COL23A1: variants seen among roughly 807,000 people sequenced by gnomAD.
COL23A1 encodes collagen alpha-1(XXIII) chain.
A neutral mutation model predicts 99.3 loss-of-function variants in COL23A1; 97 were observed. That is an observed-to-expected ratio of 0.98 (90% CI 0.83 to 1.16). The LOEUF is 1.16. Ranked by LOEUF, COL23A1 falls within the 50% of genes most tolerant of loss-of-function variation. The pLI is 0.00. For synonymous variants in COL23A1, 320 were observed against 308.2 expected (o/e 1.04, Z -0.40); for missense variants, 762 against 757.4 (o/e 1.01, Z -0.07).
intron 2 of COL23A1, among the ~76,000 whole-genome samples, chr5:178,557,205 C>G (rs575538559): frequency 1.8e-4 from 28 of 152,280 alleles, no homozygotes; most frequent in African/African-American, 6.5e-4. Context: ...GCCCTCTGGT[C>G]TGTGCGTCTC....
chr5:178,365,136 CGTGTGTGTGTGT>C lies in COL23A1; in HGVS notation c.362-58229_362-58218del, dbSNP rs55995523. Among the ~76,000 whole-genome samples, 47 of 147,908 alleles carry C rather than the reference CGTGTGTGTGTGT, an allele frequency of 3.2e-4. 2 individuals carry two copies. The highest frequency in any genetic ancestry group is 3.1e-3 in the South Asian group (14 of 4,550). On this transcript the variant is annotated intron_variant, in intron 2 of 28. Transcript: ENST00000390654. The surrounding 1 kb of genome is among the most constrained non-coding windows in gnomAD (Gnocchi z 5.2). ...GGGCTTTATGATGTTGCTGTGTGTG[CGTGTGTGTGTGT>C]GTGTGTGTGTGTGTGTGTGTGTGAT...
chr5:178,461,934 G>A lies in COL23A1; in HGVS notation c.361+98748C>T, dbSNP rs567561847. Reference sequence around the variant, plus strand: ...CAGAAGGAAATGTCAGGGAAGAGGCGGATGAGTTGTGGTACTTCAAGGAGC... The same window carrying A: ...CAGAAGGAAATGTCAGGGAAGAGGCAGATGAGTTGTGGTACTTCAAGGAGC... On this transcript the variant is annotated intron_variant, in intron 2 of 28. Coordinates refer to ENST00000390654, the MANE Select transcript of COL23A1 (RefSeq NM_173465.4). 2.0e-4 allele frequency among the ~76,000 whole-genome samples: 31 copies of A among 152,346 alleles called. No individual in the cohort carries two copies. In the Middle Eastern group the frequency reaches 0.01, roughly 50 times the overall value.
At chr5:178,495,674 G>A (rs1353140730) in intron 2 of COL23A1, among the ~76,000 whole-genome samples, 1 of 152,100 alleles carries the variant, frequency 6.6e-6, no homozygotes, top group African/African-American at 2.4e-5. Flanking sequence ...TGGGAAGGGG[G>A]AGGAAGGAGA....
rs1401134202 is a variant in COL23A1, at chr5:178,238,441, G to A, written c.*257C>T. 1.6e-5 allele frequency: 9 copies of A among 546,778 alleles called. No homozygotes were observed. Among genetic ancestry groups the A allele is most frequent in the Non-Finnish European group, 2.9e-5 (9 of 306,470 alleles). 33.9% of individuals were successfully genotyped at this position (546,778 alleles called of 1,614,324 possible). Reference sequence around the variant, plus strand: ...CTTTCTAGCCTTGCCCGAGCCAGGTGCTTCTACCTTCATCTCCTTCCTGGG... The same window carrying A: ...CTTTCTAGCCTTGCCCGAGCCAGGTACTTCTACCTTCATCTCCTTCCTGGG... On this transcript the variant is annotated 3_prime_UTR_variant, in exon 29 of 29. Coordinates refer to ENST00000390654, the MANE Select transcript of COL23A1 (RefSeq NM_173465.4).
intron 1 of COL23A1, among the ~76,000 whole-genome samples, chr5:178,561,552 T>C (rs1052082728): frequency 6.6e-6 from 1 of 151,988 alleles, no homozygotes; most frequent in African/African-American, 2.4e-5. Flanking sequence ...AACGCAAGCT[T>C]GGAAAAAAAG....
At position 178,322,182 on chromosome 5, in the gene COL23A1, C is replaced by T. The variant is rs145377174; in HGVS notation, c.362-15263G>A. 4.4e-3 allele frequency among the ~76,000 whole-genome samples: 672 copies of T among 151,776 alleles called. 7 individuals are homozygous for T. The highest frequency in any genetic ancestry group is 0.015 in the African/African-American group (614 of 41,384). On this transcript the variant is annotated intron_variant, in intron 2 of 28. Transcript: ENST00000390654. ...TAATTTTTTCTATTTTTAGCAGAGA[C>T]GGGATTTCACTGTGTTGGCCAGGCT...
In COL23A1 at chr5:178,357,914, GTATGTGTA is replaced by G. The variant is rs1265889263; in HGVS notation, c.362-51003_362-50996del. Reference sequence around the variant, plus strand: ...GTGTGTATGTGTGTCTAATGTGTGTGTATGTGTATGTGTGTATGTGTATGTATGTGTGT... The same window carrying G: ...GTGTGTATGTGTGTCTAATGTGTGTGTGTGTGTATGTGTATGTATGTGTGT... On this transcript the variant is annotated intron_variant, in intron 2 of 28. Coordinates refer to ENST00000390654, the MANE Select transcript of COL23A1 (RefSeq NM_173465.4). Among the ~76,000 whole-genome samples the G allele has an allele frequency of 5.2e-3, 320 of 61,946 alleles. 2 individuals are homozygous for G. Among genetic ancestry groups the G allele is most frequent in the African/African-American group, 0.012 (302 of 24,386 alleles). The allele number at this position is 61,946 out of a possible 152,430, so 40.6% of individuals were successfully genotyped here. A position where few individuals can be genotyped will look rare whatever the true frequency, so the allele number is the denominator to read the frequency against.
At chr5:178,502,342 A>T (rs375254644) in intron 2 of COL23A1, among the ~76,000 whole-genome samples, 1 of 152,192 alleles carries the variant, frequency 6.6e-6, no homozygotes, top group Non-Finnish European at 1.5e-5. Flanking sequence ...CATGTTAGCC[A>T]GGATGGTCTC....
At chr5:178,497,025 A>C (rs1270720549) in intron 2 of COL23A1, among the ~76,000 whole-genome samples, 2 of 152,184 alleles carry the variant, frequency 1.3e-5, no homozygotes, top group Non-Finnish European at 2.9e-5. Context: ...CTAGAATTCC[A>C]TTTGGTTTCC....
intron 2 of COL23A1, among the ~76,000 whole-genome samples, chr5:178,424,079 T>G (rs1412421978): frequency 6.6e-6 from 1 of 152,186 alleles, no homozygotes; most frequent in Non-Finnish European, 1.5e-5. Flanking sequence ...CTAGGGCCCT[T>G]TCTCAGCTGC....
chr5:178,478,484 T>C (rs1757149624), intron 2 of COL23A1, among the ~76,000 whole-genome samples: 1 of 152,202 alleles, frequency 6.6e-6, no homozygotes, highest in South Asian at 2.1e-4. Context: ...TTCCTAGCTC[T>C]GTTCCCTTTT....
At chr5:178,360,884 T>C (rs920841820) in intron 2 of COL23A1, among the ~76,000 whole-genome samples, 2 of 151,850 alleles carry the variant, frequency 1.3e-5, no homozygotes, top group African/African-American at 2.4e-5. Flanking sequence ...GCTACGCACC[T>C]GGGGCTTAAC....
chr5:178,273,740 C>A (rs1756427093), intron 5 of COL23A1, among the ~76,000 whole-genome samples: 1 of 152,204 alleles, frequency 6.6e-6, no homozygotes, highest in Non-Finnish European at 1.5e-5. Flanking sequence ...CCCAGGCCCC[C>A]GAGCTTTCTG....
At chr5:178,363,017 CCCCACAGCAATCCACT>C (rs1762259611) in intron 2 of COL23A1, among the ~76,000 whole-genome samples, 1 of 108,144 alleles carries the variant, frequency 9.2e-6, no homozygotes, top group Non-Finnish European at 2.2e-5. Context: ...AGCAACCCAC[CCCCACAGCAATCCACT>C]CCCACAGCAA....
At chr5:178,446,064 A>C (rs1467676436) in intron 2 of COL23A1, among the ~76,000 whole-genome samples, 1 of 152,042 alleles carries the variant, frequency 6.6e-6, no homozygotes, top group Non-Finnish European at 1.5e-5. Flanking sequence ...CAAATTAAAC[A>C]AGAAAATTTT....
intron 2 of COL23A1, among the ~76,000 whole-genome samples, chr5:178,413,205 G>A (rs1765137673): frequency 6.6e-6 from 1 of 150,790 alleles, no homozygotes; most frequent in Admixed American, 6.7e-5. Context: ...AAATTCTGTA[G>A]GCACAGTTCC....
intron 1 of COL23A1, among the ~76,000 whole-genome samples, chr5:178,588,333 A>C (rs1306969869): frequency 6.6e-6 from 1 of 152,138 alleles, no homozygotes; most frequent in Non-Finnish European, 1.5e-5. Flanking sequence ...AATAGACACA[A>C]TTTGTAGTTC....
chr5:178,521,172 C>T (rs1298968526), intron 2 of COL23A1, among the ~76,000 whole-genome samples: 1 of 152,188 alleles, frequency 6.6e-6, no homozygotes, highest in Non-Finnish European at 1.5e-5. Flanking sequence ...GTATTATAAT[C>T]TTACGGGACC....
chr5:178,530,460 C>T (rs562090615), intron 2 of COL23A1, among the ~76,000 whole-genome samples: 1 of 150,184 alleles, frequency 6.7e-6, no homozygotes, highest in Non-Finnish European at 1.5e-5. Flanking sequence ...AGACCTGTTT[C>T]AAAAAAAAAG....
Sources: allele counts gnomAD v4.1 joint callset (sites outside exome capture counted in the v4.1 genomes callset), GRCh38; gene constraint gnomAD v4.1.1; non-coding constraint Gnocchi (gnomAD v3.1); transcripts MANE v1.5; gene names NCBI Gene and HGNC (gene_info 2026-07-23, HGNC 2026-07-21).